Variants in MAP3K11 observed in about 807,000 individuals in gnomAD.
MAP3K11 encodes mitogen-activated protein kinase kinase kinase 11.
In MAP3K11, 46 loss-of-function variants were observed where a neutral mutation model predicts 84.9. That is an observed-to-expected ratio of 0.54 (90% CI 0.43 to 0.69). The LOEUF (loss-of-function observed/expected upper bound fraction) is 0.69, where lower values mean the gene tolerates loss of function less well. Ranked by LOEUF, MAP3K11 falls within the 30% of genes least tolerant of loss-of-function variation. The pLI is 0.00. For synonymous variants in MAP3K11, 527 were observed against 514.7 expected, an observed-to-expected ratio of 1.02 and a Z score of -0.32; for missense variants, 1,053 against 1,198.3, an observed-to-expected ratio of 0.88 and a Z score of 1.79.
intron 5 of MAP3K11, 44 bp downstream of exon 5, chr11:65,607,226 C>T (rs1854520182): frequency 1.4e-6 from 2 of 1,444,676 alleles, no homozygotes; most frequent in Middle Eastern, 2.5e-4. Context: ...CCACCCCCAC[C>T]CCCGCAGCCA....
At chr11:65,598,852 C>A (rs1854416106) in intron 9 of MAP3K11, among the ~76,000 whole-genome samples, 1 of 152,210 alleles carries the variant, frequency 6.6e-6, no homozygotes, top group Admixed American at 6.5e-5. Flanking sequence ...CTGCCACTTA[C>A]TAGCTGTGGG....
Position 65,598,091 on chromosome 11 carries a change from C to A in MAP3K11, c.*200G>T, listed in dbSNP as rs765743075. 2.9e-5 allele frequency: 12 copies of A among 419,294 alleles called. No individual in the cohort carries two copies. The highest frequency in any genetic ancestry group is 4.6e-5 in the Non-Finnish European group (11 of 239,858). The allele number at this position is 419,294 out of a possible 1,614,324, so 26.0% of individuals were successfully genotyped here. On this transcript the variant is annotated 3_prime_UTR_variant, in exon 10 of 10. Coordinates refer to ENST00000309100, the MANE Select transcript of MAP3K11 (RefSeq NM_002419.4). ...AGTAGGGCAGGTGAGCTGGGGGGAC[C>A]TACAGGTTTCAGATGTGGGGGCGCA...
Position 65,599,404 on chromosome 11 carries a change from C to T in MAP3K11, c.2196G>A (p.Glu732=). 1 of 1,534,590 alleles carries T rather than the reference C, an allele frequency of 6.5e-7. No homozygotes were observed. The highest frequency in any genetic ancestry group is 2.6e-5 in the East Asian group (1 of 37,850). ...QRSAKSPRRE[E]EPRGGTVSPP... ...CTTCAGGCCACTCACCGCGGGGCTC[C>T]TCCTCACGTCGGGGGCTCTTGGCTG... Residue 732 remains glutamate (E), a synonymous_variant, in exon 9 of 10, where the codon GAG becomes GAA. Coordinates refer to ENST00000309100, the MANE Select transcript of MAP3K11 (RefSeq NM_002419.4).
At position 65,607,908 on chromosome 11, in the gene MAP3K11, C is replaced by T; in HGVS notation, c.1069+14G>A. The T allele has an allele frequency of 1.2e-6, 2 of 1,612,758 alleles. No individual in the cohort carries two copies. Among genetic ancestry groups the T allele is most frequent in the South Asian group, 2.2e-5 (2 of 91,038 alleles). On this transcript the variant is annotated intron_variant, in intron 3 of 9. Coordinates refer to ENST00000309100, the MANE Select transcript of MAP3K11 (RefSeq NM_002419.4). The stretch of plus-strand genomic sequence containing the variant: ...GGGAGCTCTGTACCTCACCTGCCCT[C>T]CCCGTCCTCTTACCGGCCATAAGCT...
At position 65,599,394 on chromosome 11, in the gene MAP3K11, C is replaced by T. The variant is rs202052634; in HGVS notation, c.2206G>A (p.Gly736Arg). Residue 736 changes from glycine (G) to arginine (R), a missense_variant and splice_region_variant, in exon 9 of 10, where the codon GGA (glycine) becomes AGA (arginine). By Grantham distance (125) the Gly-to-Arg change is moderately radical. Around this residue, in one of 3 missense-constraint regions of MAP3K11, gnomAD observed 583 missense variants for 566.6 expected, o/e 1.03. Coordinates refer to ENST00000309100, the MANE Select transcript of MAP3K11 (RefSeq NM_002419.4). The part of the protein sequence containing the change: ...KSPRREEEPR[G>R]GTVSPPPGTS... ...AGCAGGCCGGCTTCAGGCCACTCAC[C>T]GCGGGGCTCCTCCTCACGTCGGGGG... 1.0e-4 allele frequency: 161 copies of T among 1,535,466 alleles called. 1 individual carries two copies. The highest frequency in any genetic ancestry group is 3.8e-4 in the Middle Eastern group (2 of 5,216).
In MAP3K11 at chr11:65,613,399, C is replaced by G; in HGVS notation, c.358G>C (p.Glu120Gln). The change falls in exon 1 of 10, where the codon GAG becomes CAG. Residue 120 changes from glutamate to glutamine, a missense_variant. By Grantham distance (29) the Glu-to-Gln change is conservative. This residue lies in a region of MAP3K11 where 160 missense variants were observed against 167.3 expected (regional missense o/e 0.96). Coordinates refer to ENST00000309100, the MANE Select transcript of MAP3K11 (RefSeq NM_002419.4). ...EVASFQELRL[E>Q]EVIGIGGFGK... is the part of the protein sequence containing the mutation. ...AAGCCTCCAATGCCGATCACCTCCTCCAGCCGCAGCTCCTGGAAGCTGGCC... is the reference window on the plus strand; with the variant it reads ...AAGCCTCCAATGCCGATCACCTCCTGCAGCCGCAGCTCCTGGAAGCTGGCC... 1 of 1,612,830 alleles carries G rather than the reference C, an allele frequency of 6.2e-7. No individual in the cohort carries two copies. The highest frequency in any genetic ancestry group is 1.7e-5 in the Admixed American group (1 of 60,016).
Position 65,606,611 on chromosome 11 carries a change from G to C in MAP3K11, c.1603+80C>G, listed in dbSNP as rs1459864751. On this transcript the variant is annotated intron_variant, in intron 6 of 9. Transcript: ENST00000309100. ...GGGAGGAAGAGGGGATAGTGAGTGGGCTCCGCCTCCAAGAATAAGGTCTGA... is the reference window on the plus strand; with the variant it reads ...GGGAGGAAGAGGGGATAGTGAGTGGCCTCCGCCTCCAAGAATAAGGTCTGA... 10 of 1,087,910 alleles carry C rather than the reference G, an allele frequency of 9.2e-6. No individual in the cohort carries two copies. The African/African-American group carries it at 1.6e-4, about 18-fold the overall frequency. The allele number at this position is 1,087,910 out of a possible 1,614,324, so 67.4% of individuals were successfully genotyped here.
Position 65,607,919 on chromosome 11 carries a change from T to C in MAP3K11, c.1069+3A>G. The C allele has an allele frequency of 2.5e-6, 4 of 1,613,376 alleles. No individual in the cohort carries two copies. The South Asian group carries it at 3.3e-5, about 13-fold the overall frequency. On this transcript the variant is annotated splice_donor_region_variant and intron_variant, in intron 3 of 9. Coordinates refer to ENST00000309100, the MANE Select transcript of MAP3K11 (RefSeq NM_002419.4). ...ACCTCACCTGCCCTCCCCGTCCTCT[T>C]ACCGGCCATAAGCTGTGCGAAGGGC... is the stretch of plus-strand genomic sequence containing the variant.
chr11:65,607,112 CAG>C (rs1194262680), intron 5 of MAP3K11, 156 bp downstream of exon 5: 4 of 1,064,394 alleles, frequency 3.8e-6, no homozygotes, highest in Non-Finnish European at 3.8e-6. Context: ...CGCCCACAGA[CAG>C]AAAAAAAACA....
In MAP3K11 at chr11:65,599,507, A is replaced by C. The variant is rs1854427798; in HGVS notation, c.2093T>G (p.Phe698Cys). The C allele has an allele frequency of 6.7e-7, 1 of 1,497,098 alleles. No individual in the cohort carries two copies. Among genetic ancestry groups the C allele is most frequent in the Admixed American group, 2.8e-5 (1 of 36,238 alleles). 92.7% of individuals were successfully genotyped at this position (1,497,098 alleles called of 1,614,324 possible). The change falls in exon 9 of 10, where the codon TTC becomes TGC. Residue 698 changes from phenylalanine (F) to cysteine (C), a missense_variant. By Grantham distance (205) the Phe-to-Cys change is radical. Coordinates refer to ENST00000309100, the MANE Select transcript of MAP3K11 (RefSeq NM_002419.4). Reference protein sequence around the residue: ...TEPPPSPLICFSLKTPDSPPT... With the variant: ...TEPPPSPLICCSLKTPDSPPT... ...CGGGGAGTCGGGCGTCTTGAGCGAG[A>C]AGCAGATGAGCGGGGAAGGGGGCGG...
rs1220673237 is a variant in MAP3K11, at chr11:65,607,737, G to A, written c.1149C>T (p.Val383=). ...AGGAGTCCCGCGGCATTTCCCGTAG[G>A]ACCTGTGCCTCCAGCGCCTCCAACT... ...LQQLEALEAQ[V]LREMPRDSFH... The change falls in exon 4 of 10, where the codon GTC becomes GTT. Residue 383 remains valine (V), a synonymous_variant. Coordinates refer to ENST00000309100, the MANE Select transcript of MAP3K11 (RefSeq NM_002419.4). 6 of 1,613,830 alleles carry A rather than the reference G, an allele frequency of 3.7e-6. No homozygotes were observed. The highest frequency in any genetic ancestry group is 1.1e-5 in the South Asian group (1 of 91,086).
At position 65,606,750 on chromosome 11, in the gene MAP3K11, T is replaced by A. The variant is rs1024901368; in HGVS notation, c.1544A>T (p.Asn515Ile). 3.7e-6 allele frequency: 6 copies of A among 1,605,196 alleles called. No individual in the cohort carries two copies. Among genetic ancestry groups the A allele is most frequent in the Non-Finnish European group, 5.1e-6 (6 of 1,176,386 alleles). Residue 515 changes from asparagine (N) to isoleucine (I), a missense_variant, in exon 6 of 10, where the codon AAC (asparagine) becomes ATC (isoleucine). Physicochemically the swap from Asn to Ile is moderately radical, Grantham distance 149. Around this residue, in one of 3 missense-constraint regions of MAP3K11, gnomAD observed 583 missense variants for 566.6 expected, o/e 1.03. Coordinates refer to ENST00000309100, the MANE Select transcript of MAP3K11 (RefSeq NM_002419.4). ...QASPGLDRRRNVFEVGPGDSP... is the reference protein window; with the variant it reads ...QASPGLDRRRIVFEVGPGDSP... Reference sequence around the variant, plus strand: ...ATCCCCAGGCCCGACCTCGAAGACGTTTCTCCTCCGGTCAAGGCCGGGTGA... The same window carrying A: ...ATCCCCAGGCCCGACCTCGAAGACGATTCTCCTCCGGTCAAGGCCGGGTGA...
Position 65,613,859 on chromosome 11 carries a change from G to A in MAP3K11, c.-103C>T. On this transcript the variant is annotated 5_prime_UTR_variant, in exon 1 of 10. Coordinates refer to ENST00000309100, the MANE Select transcript of MAP3K11 (RefSeq NM_002419.4). ...CCCTAGTCCCGGAACCTGGGCATCCGGGCCCTGGCCCTCAGCCCCAGACCC... is the reference window on the plus strand; with the variant it reads ...CCCTAGTCCCGGAACCTGGGCATCCAGGCCCTGGCCCTCAGCCCCAGACCC... 6 of 1,320,600 alleles carry A rather than the reference G, an allele frequency of 4.5e-6. No homozygotes were observed. The highest frequency in any genetic ancestry group is 6.0e-6 in the Non-Finnish European group (6 of 995,180). The allele number at this position is 1,320,600 out of a possible 1,614,324, so 81.8% of individuals were successfully genotyped here.
intron 1 of MAP3K11, chr11:65,612,753 C>A (rs1038523621): frequency 1.1e-5 from 4 of 373,062 alleles, no homozygotes; most frequent in Non-Finnish European, 1.9e-5. Flanking sequence ...TATGGCCCAC[C>A]TGAGAGATAC....
rs1451762656 is a variant in MAP3K11 at position 65,608,436 on chromosome 11, T to C, written c.752A>G (p.Gln251Arg). 1 of 1,614,010 alleles carries C rather than the reference T, an allele frequency of 6.2e-7. No homozygotes were observed. Among genetic ancestry groups the C allele is most frequent in the African/African-American group, 1.3e-5 (1 of 74,908 alleles). Reference protein sequence around the residue: ...DLKSNNILLLQPIESDDMEHK... With the variant: ...DLKSNNILLLRPIESDDMEHK... ...CTCCATGTCGTCACTCTCAATGGGCTGCAGCAGCAAAACTAGAGAAGAGGG... is the reference window on the plus strand; with the variant it reads ...CTCCATGTCGTCACTCTCAATGGGCCGCAGCAGCAAAACTAGAGAAGAGGG... Residue 251 changes from glutamine (Q) to arginine (R), a missense_variant, in exon 2 of 10, where the codon CAG (glutamine) becomes CGG (arginine). Transcript: ENST00000309100.
rs1372781724 is a variant in MAP3K11 at position 65,608,073 on chromosome 11, G to A, written c.921-3C>T. ...GTTCCCACAGCAGCACCCCAAAACT[G>A]TGGGCGAGACAACAGGTCTGTGTTC... On this transcript the variant is annotated splice_polypyrimidine_tract_variant and splice_region_variant and intron_variant, in intron 2 of 9. Transcript: ENST00000309100. The A allele has an allele frequency of 6.2e-7, 1 of 1,613,672 alleles. No individual in the cohort carries two copies. The highest frequency in any genetic ancestry group is 8.5e-7 in the Non-Finnish European group (1 of 1,179,798).
chr11:65,607,281 C>T lies in MAP3K11; in HGVS notation c.1478G>A (p.Ser493Asn). 1 of 1,520,510 alleles carries T rather than the reference C, an allele frequency of 6.6e-7. No homozygotes were observed. Among genetic ancestry groups the T allele is most frequent in the Non-Finnish European group, 8.7e-7 (1 of 1,143,220 alleles). The allele number at this position is 1,520,510 out of a possible 1,614,324, so 94.2% of individuals were successfully genotyped here. ...GGCCCGGCCCTCACCGAGTGGCATG[C>T]TGATACGCTCGCCGCCGTCGCGCGC... ...LRARDGGERI[S>N]MPLDFKHRIT... The change falls in exon 5 of 10, where the codon AGC (serine) becomes AAC (asparagine). Residue 493 changes from serine to asparagine, a missense_variant. Ser to Asn is a conservative substitution (Grantham distance 46). Coordinates refer to ENST00000309100, the MANE Select transcript of MAP3K11 (RefSeq NM_002419.4).
intron 1 of MAP3K11, chr11:65,609,489 T>A (rs1854548259): frequency 6.6e-6 from 1 of 152,178 alleles, no homozygotes; most frequent in Non-Finnish European, 1.5e-5. Flanking sequence ...GGGGCCACCG[T>A]ACTTGGTACA....
chr11:65,613,557 C>A lies in MAP3K11; in HGVS notation c.200G>T (p.Arg67Leu), dbSNP rs748790856. The A allele has an allele frequency of 3.7e-6, 6 of 1,612,012 alleles. No individual in the cohort carries two copies. In the Admixed American group the frequency reaches 5.0e-5, roughly 13 times the overall value. Reference protein sequence around the residue: ...QDELALRKGDRVEVLSRDAAI... With the variant: ...QDELALRKGDLVEVLSRDAAI... The stretch of plus-strand genomic sequence containing the variant: ...TGCGTCCCGGGACAGCACCTCCACA[C>A]GGTCACCCTTCCTCAGGGCCAGCTC... The change falls in exon 1 of 10, where the codon CGT becomes CTT. Residue 67 changes from arginine (R) to leucine (L), a missense_variant. Physicochemically the swap from Arg to Leu is moderately radical, Grantham distance 102. Around this residue, in one of 3 missense-constraint regions of MAP3K11, gnomAD observed 160 missense variants for 167.3 expected, o/e 0.96. Transcript: ENST00000309100.
Sources: gnomAD v4.1 joint callset for allele counts (sites outside exome capture counted in the v4.1 genomes callset) on GRCh38, gnomAD v4.1.1 for gene constraint, gnomAD v4.1.1 regional missense constraint, MANE v1.5 for transcripts, NCBI Gene and HGNC (gene_info 2026-07-23, HGNC 2026-07-21) for gene names.